Variants in KCNH1 observed in about 807,000 individuals in gnomAD.
The protein encoded by KCNH1 is voltage-gated delayed rectifier potassium channel KCNH1.
A neutral mutation model predicts 69.2 loss-of-function variants in KCNH1; 27 were observed. The ratio of observed to expected loss-of-function variants is 0.39; its 90% confidence interval spans 0.29 to 0.54. The LOEUF is 0.54. Ranked by LOEUF, KCNH1 falls within the 20% of genes least tolerant of loss-of-function variation. The probability of loss-of-function intolerance (pLI) is 0.68; values close to 1 mark genes in which losing one functional copy is unlikely to be tolerated. For synonymous variants in KCNH1, 456 were observed against 487.7 expected (o/e 0.93, Z 0.86); for missense variants, 798 against 1,261.6 (o/e 0.63, Z 5.57).
intron 10 of KCNH1, among the ~76,000 whole-genome samples, chr1:210,757,938 C>A (rs560096275): frequency 5.9e-5 from 9 of 152,342 alleles, no homozygotes; most frequent in African/African-American, 2.2e-4. Flanking sequence ...ATGCTGCAGT[C>A]TCCAAAACCA....
At chr1:210,856,043 A>G (rs12024304) in intron 7 of KCNH1, among the ~76,000 whole-genome samples, 31,754 of 152,064 alleles carry the variant, frequency 0.21, 4,153 homozygotes, top group East Asian at 0.45. Flanking sequence ...TGTCTCTATC[A>G]CCAAGATGCT....
At chr1:210,860,525 T>C (rs2102480146) in intron 7 of KCNH1, 1 of 843,426 alleles carries the variant, frequency 1.2e-6, no homozygotes, top group Admixed American at 1.7e-5. Flanking sequence ...CTAAATGTCA[T>C]TGCCAACTGT....
At chr1:210,807,133 A>G (rs1475798697) in intron 7 of KCNH1, among the ~76,000 whole-genome samples, 2 of 151,948 alleles carry the variant, frequency 1.3e-5, no homozygotes, top group Non-Finnish European at 2.9e-5. Flanking sequence ...ATATTGCTAT[A>G]AAGTATATGT....
chr1:210,840,544 G>A (rs1685386035), intron 7 of KCNH1, among the ~76,000 whole-genome samples: 1 of 152,144 alleles, frequency 6.6e-6, no homozygotes, highest in African/African-American at 2.4e-5. Flanking sequence ...CCTCTCCTCT[G>A]GATCCCATCA....
At chr1:210,789,845 T>A (rs149432021) in intron 9 of KCNH1, among the ~76,000 whole-genome samples, 12 of 152,390 alleles carry the variant, frequency 7.9e-5, no homozygotes, top group African/African-American at 2.6e-4. Context: ...TTGCTTATCA[T>A]AAGAATTTCT....
Position 210,679,758 on chromosome 1 carries a change from C to G in KCNH1, c.*3523G>C, listed in dbSNP as rs1000511397. 2.6e-5 allele frequency: 4 copies of G among 152,122 alleles called. No individual in the cohort carries two copies. The highest frequency in any genetic ancestry group is 9.7e-5 in the African/African-American group (4 of 41,416). 9.4% of individuals were successfully genotyped at this position (152,122 alleles called of 1,614,324 possible). A position where few individuals can be genotyped will look rare whatever the true frequency, so the allele number is the denominator to read the frequency against. On this transcript the variant is annotated 3_prime_UTR_variant, in exon 11 of 11. Transcript: ENST00000271751. ...CTGATGTTTGGCCAACAGCAGCACA[C>G]TGGATCGAAGAGGTTGTGGGTAAAA... is the stretch of plus-strand genomic sequence containing the variant.
Position 210,719,851 on chromosome 1 carries a change from A to G in KCNH1, c.2113-35713T>C, listed in dbSNP as rs953471585. Among the ~76,000 whole-genome samples the G allele has an allele frequency of 2.0e-5, 3 of 152,206 alleles. No individual in the cohort carries two copies. The South Asian group carries it at 6.2e-4, about 31-fold the overall frequency. On this transcript the variant is annotated intron_variant, in intron 10 of 10. Transcript: ENST00000271751. ...GTAAATTTGGAAAACAATCCGTATC[A>G]CTGTACAAGGTGGTGTGAGGATCAA...
chr1:210,853,955 A>AAAAAAAAG (rs778774589), intron 7 of KCNH1, among the ~76,000 whole-genome samples: 1 of 147,260 alleles, frequency 6.8e-6, no homozygotes, highest in Non-Finnish European at 1.5e-5. Context: ...CCAAAAAAAA[A>AAAAAAAAG]AAAAAAAAAA....
intron 6 of KCNH1, among the ~76,000 whole-genome samples, chr1:210,984,730 T>C (rs1306088439): frequency 7.1e-6 from 1 of 141,670 alleles, no homozygotes; most frequent in African/African-American, 2.6e-5. Flanking sequence ...CTCAGGGATA[T>C]TGGTCTAAAA....
intron 7 of KCNH1, among the ~76,000 whole-genome samples, chr1:210,805,453 C>T (rs979000006): frequency 6.6e-6 from 1 of 151,912 alleles, no homozygotes; most frequent in African/African-American, 2.4e-5. Context: ...TGTAATCCCT[C>T]CCTCCCATCC....
chr1:211,058,107 C>T (rs901388841), intron 5 of KCNH1, among the ~76,000 whole-genome samples: 3 of 152,076 alleles, frequency 2.0e-5, no homozygotes, highest in Non-Finnish European at 2.9e-5. Context: ...GATAGTATAT[C>T]CAACAAAAAT....
chr1:210,858,268 TTAAA>T (rs1685898778), intron 7 of KCNH1: 2 of 152,286 alleles, frequency 1.3e-5, no homozygotes, highest in Admixed American at 1.3e-4. Flanking sequence ...GGTCTGGTAT[TTAAA>T]TACTCACTTC....
intron 7 of KCNH1, among the ~76,000 whole-genome samples, chr1:210,812,167 C>T (rs188818828): frequency 6.6e-6 from 1 of 152,282 alleles, no homozygotes; most frequent in African/African-American, 2.4e-5. Context: ...TTTTGACTTG[C>T]TCTTCACAGC....
chr1:210,979,932 T>C (rs572234205), intron 6 of KCNH1, among the ~76,000 whole-genome samples: 7 of 152,364 alleles, frequency 4.6e-5, no homozygotes, highest in African/African-American at 1.7e-4. Flanking sequence ...AGTTTTATTG[T>C]ATTAATTGTA....
intron 9 of KCNH1, among the ~76,000 whole-genome samples, chr1:210,789,378 C>G (rs1483059847): frequency 6.6e-6 from 1 of 152,148 alleles, no homozygotes; most frequent in East Asian, 1.9e-4. Flanking sequence ...GTCAGATAAG[C>G]CATTCTGTCT....
At chr1:210,865,357 A>T (rs543218348) in intron 7 of KCNH1, among the ~76,000 whole-genome samples, 9 of 152,376 alleles carry the variant, frequency 5.9e-5, no homozygotes, top group Non-Finnish European at 1.3e-4. Context: ...AAGTTTAGAT[A>T]ACTTGACCAA....
At chr1:211,099,283 T>C (rs1434522182) in intron 3 of KCNH1, among the ~76,000 whole-genome samples, 1 of 152,156 alleles carries the variant, frequency 6.6e-6, no homozygotes, top group East Asian at 1.9e-4. Context: ...AGTATAATAG[T>C]ACTTCTCTGA....
chr1:211,095,443 CT>C (rs1691131389), intron 3 of KCNH1, among the ~76,000 whole-genome samples: 1 of 152,184 alleles, frequency 6.6e-6, no homozygotes, highest in Non-Finnish European at 1.5e-5. Flanking sequence ...TTAGATCACT[CT>C]GATTTTCATC....
intron 6 of KCNH1, among the ~76,000 whole-genome samples, chr1:210,966,726 GAGAGGAGGC>G (rs1330072036): frequency 6.6e-6 from 1 of 152,220 alleles, no homozygotes; most frequent in Non-Finnish European, 1.5e-5. Context: ...ACAGATGCTG[GAGAGGAGGC>G]AGAGAAATAG....
Sources: gnomAD v4.1 joint callset for allele counts (sites outside exome capture counted in the v4.1 genomes callset) on GRCh38, gnomAD v4.1.1 for gene constraint, MANE v1.5 for transcripts, NCBI Gene and HGNC (gene_info 2026-07-23, HGNC 2026-07-21) for gene names.